The following ZBTB25 variants were observed in gnomAD, a reference collection of about 807,000 sequenced individuals.
The protein encoded by ZBTB25 is zinc finger and BTB domain-containing protein 25.
In ZBTB25, 20 loss-of-function variants were observed where a neutral mutation model predicts 34.2. That is an observed-to-expected ratio of 0.58 (90% CI 0.41 to 0.85). ZBTB25 has a LOEUF of 0.85. Ranked by LOEUF, ZBTB25 falls within the 40% of genes least tolerant of loss-of-function variation. The pLI, the probability that ZBTB25 is intolerant of heterozygous loss-of-function variation, is 0.00. For synonymous variants in ZBTB25, 175 were observed against 186.4 expected, an observed-to-expected ratio of 0.94 and a Z score of 0.50; for missense variants, 437 against 521.8, an observed-to-expected ratio of 0.84 and a Z score of 1.58.
At position 64,486,611 on chromosome 14, in the gene ZBTB25, G is replaced by A; in HGVS notation, c.*312C>T. The A allele has an allele frequency of 1.0e-6, 1 of 954,266 alleles. No homozygotes were observed. The highest frequency in any genetic ancestry group is 1.3e-6 in the Non-Finnish European group (1 of 786,848). 59.1% of individuals were successfully genotyped at this position (954,266 alleles called of 1,614,324 possible). A position where few individuals can be genotyped will look rare whatever the true frequency, so the allele number is the denominator to read the frequency against. ...ACTTTATATTCAATTTGATTTTACT[G>A]ATTCTATAACTGGAAAAACTTAGAA... On this transcript the variant is annotated 3_prime_UTR_variant, in exon 3 of 3. Coordinates refer to ENST00000608382, the MANE Select transcript of ZBTB25 (RefSeq NM_006977.5).
intron 2 of ZBTB25, among the ~76,000 whole-genome samples, chr14:64,452,555 C>T (rs375628174): frequency 1.3e-5 from 2 of 152,338 alleles, no homozygotes; most frequent in Non-Finnish European, 1.5e-5. Flanking sequence ...GAGGCCCTCA[C>T]CAGTTAGACC....
rs1286230767 is a variant in ZBTB25 at position 64,483,283 on chromosome 14, C to CT, written c.*3639dup. 54 of 146,930 alleles carry CT rather than the reference C, an allele frequency of 3.7e-4. No individual in the cohort carries two copies. The highest frequency in any genetic ancestry group is 7.9e-4 in the East Asian group (4 of 5,082). The allele number at this position is 146,930 out of a possible 1,614,324, so 9.1% of individuals were successfully genotyped here. ...AAAATAAAGGTTTTAGCTGGAAGAA[C>CT]TTTTTTTTTTTTGAGATGGAGTCTC... is the stretch of plus-strand genomic sequence containing the variant. On this transcript the variant is annotated 3_prime_UTR_variant, in exon 3 of 3. Coordinates refer to ENST00000608382, the MANE Select transcript of ZBTB25 (RefSeq NM_006977.5).
chr14:64,486,873 C>T lies in ZBTB25; in HGVS notation c.*50G>A, dbSNP rs10143839. On this transcript the variant is annotated 3_prime_UTR_variant, in exon 3 of 3. Transcript: ENST00000608382. ...AATAATTTATGAATTAAAAATGCCA[C>T]GCAAATTTTCTTTTTCAGAATTGGT... The T allele has an allele frequency of 0.3, 449,396 of 1,510,468 alleles. 69,830 individuals are homozygous for T. The highest frequency in any genetic ancestry group is 0.38 in the East Asian group (16,541 of 43,730). 93.6% of individuals were successfully genotyped at this position (1,510,468 alleles called of 1,614,324 possible). A position where few individuals can be genotyped will look rare whatever the true frequency, so the allele number is the denominator to read the frequency against.
At chr14:64,472,788 G>A (rs2078687919) in intron 2 of ZBTB25, 1 of 166,752 alleles carries the variant, frequency 6.0e-6, no homozygotes, top group Non-Finnish European at 1.5e-5. Context: ...TATTTTTCTT[G>A]TAATAGTATT....
At chr14:64,449,181 C>T in exon 3 of ZBTB25, 1 of 514,006 alleles carries the variant, frequency 1.9e-6, no homozygotes, top group Non-Finnish European at 3.5e-6. Flanking sequence ...GATTTACCAT[C>T]TGAGTCTCAT....
At chr14:64,497,076 T>C (rs1566614889) in intron 1 of ZBTB25, among the ~76,000 whole-genome samples, 2 of 152,246 alleles carry the variant, frequency 1.3e-5, no homozygotes, top group African/African-American at 2.4e-5. Context: ...ACTTTCAACA[T>C]TTACACTGTT....
rs2078815365 is a variant in ZBTB25, at chr14:64,483,254, T to A, written c.*3669A>T. The A allele has an allele frequency of 6.6e-6, 1 of 152,070 alleles. No homozygotes were observed. The highest frequency in any genetic ancestry group is 1.9e-4 in the East Asian group (1 of 5,190). 9.4% of individuals were successfully genotyped at this position (152,070 alleles called of 1,614,324 possible). ...ATAGCTCCATTTTGTGGAGATGTAG[T>A]CAAAAAATAAAGGTTTTAGCTGGAA... On this transcript the variant is annotated 3_prime_UTR_variant, in exon 3 of 3. Coordinates refer to ENST00000608382, the MANE Select transcript of ZBTB25 (RefSeq NM_006977.5).
Position 64,478,265 on chromosome 14 carries a change from G to C in ZBTB25, c.*8658C>G, listed in dbSNP as rs1477185579. The C allele has an allele frequency of 1.3e-5, 2 of 152,160 alleles. No individual in the cohort carries two copies. Among genetic ancestry groups the C allele is most frequent in the Non-Finnish European group, 2.9e-5 (2 of 68,030 alleles). The allele number at this position is 152,160 out of a possible 1,614,324, so 9.4% of individuals were successfully genotyped here. A position where few individuals can be genotyped will look rare whatever the true frequency, so the allele number is the denominator to read the frequency against. On this transcript the variant is annotated 3_prime_UTR_variant, in exon 3 of 3. Coordinates refer to ENST00000608382, the MANE Select transcript of ZBTB25 (RefSeq NM_006977.5). Reference sequence around the variant, plus strand: ...ATAATATTGTAATCAGAAATGAAGGGGGAGGCAGGCTGTATTCACTTAGTA... The same window carrying C: ...ATAATATTGTAATCAGAAATGAAGGCGGAGGCAGGCTGTATTCACTTAGTA...
At chr14:64,449,665 G>A (rs758181315) in intron 2 of ZBTB25, 4 of 1,604,942 alleles carry the variant, frequency 2.5e-6, no homozygotes, top group Non-Finnish European at 3.4e-6. Flanking sequence ...AAGACGAAAA[G>A]GGCACAGTGA....
intron 2 of ZBTB25, chr14:64,458,092 T>G (rs1223649494): frequency 1.3e-6 from 1 of 799,532 alleles, no homozygotes; most frequent in Non-Finnish European, 2.3e-6. Flanking sequence ...GGTCTCACTA[T>G]GTTGCCCAGG....
chr14:64,504,432 G>A (rs1243633365), upstream of ZBTB25: 3 of 153,460 alleles, frequency 2.0e-5, no homozygotes, highest in Non-Finnish European at 4.3e-5. Context: ...GAGTCGGGAG[G>A]AGCCCAGTTC....
rs34058019 is a variant in ZBTB25 at position 64,487,296 on chromosome 14, G to A, written c.935C>T (p.Thr312Ile). ...CAAAGGCTCTGTGGTACCCCGGTTG[G>A]TGTGGTCTGGCTGCTGTTCATTCTC... ...VKENEQQPDH[T>I]NRGTTEPLQI... is the part of the protein sequence containing the mutation. Residue 312 changes from threonine to isoleucine, a missense_variant, in exon 3 of 3, where the codon ACC (threonine) becomes ATC (isoleucine). Physicochemically the swap from Thr to Ile is moderately conservative, Grantham distance 89 (BLOSUM62 -1). Coordinates refer to ENST00000608382, the MANE Select transcript of ZBTB25 (RefSeq NM_006977.5). 1.2e-6 allele frequency: 2 copies of A among 1,614,050 alleles called. No homozygotes were observed. Among genetic ancestry groups the A allele is most frequent in the Non-Finnish European group, 1.7e-6 (2 of 1,180,034 alleles).
chr14:64,497,974 AG>A, intron 1 of ZBTB25, among the ~76,000 whole-genome samples: 1 of 152,366 alleles, frequency 6.6e-6, no homozygotes, highest in South Asian at 2.1e-4. Context: ...ACAAGGAGAC[AG>A]GAAAGTTGGC....
At chr14:64,455,553 AATCTAGGTT>A (rs2078457863) in intron 2 of ZBTB25, among the ~76,000 whole-genome samples, 1 of 152,182 alleles carries the variant, frequency 6.6e-6, no homozygotes, top group Non-Finnish European at 1.5e-5. Context: ...TTGGATCCTG[AATCTAGGTT>A]ATCCCCTAAA....
intron 2 of ZBTB25, among the ~76,000 whole-genome samples, chr14:64,488,929 GAT>G (rs1310538443): frequency 2.6e-5 from 4 of 152,160 alleles, no homozygotes; most frequent in African/African-American, 4.8e-5. Flanking sequence ...CCACAATAAA[GAT>G]ATCTTAAAAC....
intron 1 of ZBTB25, among the ~76,000 whole-genome samples, chr14:64,492,101 G>T (rs2079099772): frequency 2.0e-5 from 2 of 100,128 alleles, no homozygotes; most frequent in Admixed American, 1.5e-4. Flanking sequence ...CTGGGTGACA[G>T]AGCAAGACCC....
chr14:64,467,739 C>T (rs539835882), intron 2 of ZBTB25: 1 of 152,042 alleles, frequency 6.6e-6, no homozygotes, highest in Admixed American at 6.6e-5. Context: ...TCTCTAAAGT[C>T]CTTTGCAGCT....
At chr14:64,503,622 G>C (rs963472103) in intron 1 of ZBTB25, 39 bp downstream of exon 1, 2 of 985,524 alleles carry the variant, frequency 2.0e-6, no homozygotes, top group Non-Finnish European at 2.4e-6. Context: ...GAGGGACTGA[G>C]CCCGGGGCAG....
At position 64,503,707 on chromosome 14, in the gene ZBTB25, C is replaced by T. The variant is rs2079576134; in HGVS notation, c.-54G>A. ...GGCCGACTCCTCCGTGCAGGAGGGG[C>T]GGGCTCCCAAGCCGCGCACTGCAAG... On this transcript the variant is annotated 5_prime_UTR_variant, in exon 1 of 3. Transcript: ENST00000608382. The T allele has an allele frequency of 6.9e-6, 5 of 724,032 alleles. No individual in the cohort carries two copies. The highest frequency in any genetic ancestry group is 8.5e-6 in the Non-Finnish European group (5 of 591,274). The allele number at this position is 724,032 out of a possible 1,614,324, so 44.9% of individuals were successfully genotyped here.
Sources: gnomAD v4.1 joint callset for allele counts (sites outside exome capture counted in the v4.1 genomes callset) on GRCh38, gnomAD v4.1.1 for gene constraint, MANE v1.5 for transcripts, NCBI Gene and HGNC (gene_info 2026-07-23, HGNC 2026-07-21) for gene names.